The following NBAS variants were observed in gnomAD, a reference collection of about 807,000 sequenced individuals.
The protein encoded by NBAS is NAG/BC035112 fusion.
Under a neutral mutation model 302.5 loss-of-function variants are expected in NBAS, and 219 were observed. That is an observed-to-expected ratio of 0.72 (90% CI 0.65 to 0.81). NBAS has a LOEUF of 0.81. Among genes scored for constraint, NBAS ranks in the 30% least tolerant of loss-of-function variants. NBAS has a pLI of 0.00. For synonymous variants in NBAS, 1,118 were observed against 1,021.6 expected, an observed-to-expected ratio of 1.09 and a Z score of -1.80; for missense variants, 2,932 against 2,841.6, an observed-to-expected ratio of 1.03 and a Z score of -0.72.
chr2:15,415,903 A>G (rs1395587969), intron 24 of NBAS, among the ~76,000 whole-genome samples, 184 bp from the exon 25 acceptor site: 2 of 152,176 alleles, frequency 1.3e-5, no homozygotes, highest in African/African-American at 4.8e-5. Flanking sequence ...TAGCAGGAAA[A>G]TGAATCACCT....
chr2:14,809,629 T>C, the NBAS span, among the ~76,000 whole-genome samples: 6 of 152,110 alleles, frequency 3.9e-5, no homozygotes, highest in African/African-American at 7.2e-5. Context: ...CTGTGCTAGG[T>C]AGGGCAGTGC....
chr2:15,328,383 C>G, intron 36 of NBAS, 71 bp from the exon 37 acceptor site: 1 of 1,314,778 alleles, frequency 7.6e-7, no homozygotes, highest in Non-Finnish European at 1.1e-6. Flanking sequence ...GAAGTAAAAG[C>G]AAGGAAAGAA....
chr2:15,014,191 T>G, the NBAS span, among the ~76,000 whole-genome samples: 1 of 152,158 alleles, frequency 6.6e-6, no homozygotes, highest in Admixed American at 6.5e-5. Flanking sequence ...TAGACACTTG[T>G]GAAATAATAT....
the NBAS span, among the ~76,000 whole-genome samples, chr2:15,009,660 A>G: frequency 7.0e-6 from 1 of 143,648 alleles, no homozygotes; most frequent in Non-Finnish European, 1.5e-5. Context: ...ATATGTAGGA[A>G]TGCATATATA....
chr2:15,122,056 C>G, the NBAS span, among the ~76,000 whole-genome samples: 1 of 151,598 alleles, frequency 6.6e-6, no homozygotes, highest in East Asian at 1.9e-4. Flanking sequence ...CCCCTCAAAA[C>G]AGGAGATGGA....
At chr2:14,822,990 A>AC in the NBAS span, among the ~76,000 whole-genome samples, 1 of 152,230 alleles carries the variant, frequency 6.6e-6, no homozygotes, top group Non-Finnish European at 1.5e-5. Context: ...CAGGGTTTGA[A>AC]CCCAAAGTCT....
intron 31 of NBAS, among the ~76,000 whole-genome samples, chr2:15,369,700 A>G (rs1486555243): frequency 6.6e-6 from 1 of 152,272 alleles, no homozygotes; most frequent in Non-Finnish European, 1.5e-5. Context: ...ATGAATGAAC[A>G]TGAAAAAGAT....
intron 39 of NBAS, 63 bp from the exon 40 acceptor site, chr2:15,308,416 A>C: frequency 6.4e-7 from 1 of 1,571,652 alleles, no homozygotes; most frequent in South Asian, 1.2e-5. Context: ...ATTATAAACC[A>C]TTATATTTCT....
At chr2:15,522,424 G>A (rs572015685) in intron 9 of NBAS, among the ~76,000 whole-genome samples, 4 of 152,300 alleles carry the variant, frequency 2.6e-5, no homozygotes, top group Admixed American at 1.3e-4. Context: ...AGGTTTGAAG[G>A]AGGAAAATGA....
chr2:15,457,741 A>G (rs1679315397), intron 21 of NBAS, among the ~76,000 whole-genome samples: 1 of 152,224 alleles, frequency 6.6e-6, no homozygotes, highest in Non-Finnish European at 1.5e-5. Context: ...GCTCATCTGA[A>G]CTGCTTCCAA....
chr2:15,048,858 C>T, the NBAS span, among the ~76,000 whole-genome samples: 2 of 152,250 alleles, frequency 1.3e-5, no homozygotes, highest in African/African-American at 4.8e-5. Context: ...CATCAACAAG[C>T]TCGCTGTCTA....
chr2:15,149,703 C>A, the NBAS span, among the ~76,000 whole-genome samples: 1 of 152,014 alleles, frequency 6.6e-6, no homozygotes, highest in Non-Finnish European at 1.5e-5. Flanking sequence ...CTCAGGCAAT[C>A]CTCCTACCTC....
At chr2:15,040,418 G>A in the NBAS span, among the ~76,000 whole-genome samples, 5 of 152,184 alleles carry the variant, frequency 3.3e-5, no homozygotes, top group East Asian at 9.6e-4. Context: ...TCTTGGCTGA[G>A]TCTTAAGCAC....
rs542114730 is a variant in NBAS at position 15,488,939 on chromosome 2, C to A, written c.1038G>T (p.Ala346=). The A allele has an allele frequency of 1.9e-6, 3 of 1,613,892 alleles. No homozygotes were observed. The highest frequency in any genetic ancestry group is 2.2e-5 in the East Asian group (1 of 44,850). The change falls in exon 12 of 52, where the codon GCG becomes GCT. Residue 346 remains alanine, a synonymous_variant. Coordinates refer to ENST00000281513, the MANE Select transcript of NBAS (RefSeq NM_015909.4). ...IHFSGKLSIW[A]IPSLKQQGEW... is the part of the protein sequence containing the mutation. ...CCCCTTGTTGCTTCAGAGATGGAATCGCCCAGATGCTCAGTTTCCCTGAGA... is the reference window on the plus strand; with the variant it reads ...CCCCTTGTTGCTTCAGAGATGGAATAGCCCAGATGCTCAGTTTCCCTGAGA...
the NBAS span, among the ~76,000 whole-genome samples, chr2:15,159,412 T>C: frequency 5.7e-3 from 868 of 151,808 alleles, 6 homozygotes; most frequent in African/African-American, 0.017. Flanking sequence ...GCCTAGTATA[T>C]ACATACAAAA....
chr2:15,067,558 G>A, the NBAS span, among the ~76,000 whole-genome samples: 1 of 151,930 alleles, frequency 6.6e-6, no homozygotes. Context: ...AGGACATTAT[G>A]TTAAGTGACA....
At chr2:15,523,142 G>A (rs577240980) in intron 9 of NBAS, among the ~76,000 whole-genome samples, 2 of 152,052 alleles carry the variant, frequency 1.3e-5, no homozygotes, top group African/African-American at 4.8e-5. Flanking sequence ...GTGACACTTC[G>A]TATGGGTCCC....
At chr2:15,525,453 C>T (rs1662873837) in intron 9 of NBAS, among the ~76,000 whole-genome samples, 1 of 152,154 alleles carries the variant, frequency 6.6e-6, no homozygotes, top group African/African-American at 2.4e-5. Context: ...ATTCAGGGTT[C>T]CTGTCTCCTA....
At chr2:14,859,255 C>T in the NBAS span, among the ~76,000 whole-genome samples, 1 of 151,930 alleles carries the variant, frequency 6.6e-6, no homozygotes, top group East Asian at 1.9e-4. Flanking sequence ...AATGACAATA[C>T]TACTGAAAGT....
Sources: gnomAD v4.1 joint callset for allele counts (sites outside exome capture counted in the v4.1 genomes callset) on GRCh38, gnomAD v4.1.1 for gene constraint, MANE v1.5 for transcripts, NCBI Gene and HGNC (gene_info 2026-07-23, HGNC 2026-07-21) for gene names.